ZNF362: variants seen among roughly 807,000 people sequenced by gnomAD.
The protein encoded by ZNF362 is rotund homolog.
A neutral mutation model predicts 42.9 loss-of-function variants in ZNF362; 11 were observed. The ratio of observed to expected loss-of-function variants is 0.26; its 90% CI spans 0.16 to 0.42. The LOEUF (loss-of-function observed/expected upper bound fraction) is 0.42. Ranked by LOEUF, ZNF362 falls within the 20% of genes least tolerant of loss-of-function variation. ZNF362 has a pLI of 1.00. For synonymous variants in ZNF362, 255 were observed against 257.3 expected (o/e 0.99, Z 0.09); for missense variants, 362 against 576.2 (o/e 0.63, Z 3.81).
At chr1:33,134,314 T>C in the ZNF362 span, among the ~76,000 whole-genome samples, 40,301 of 152,142 alleles carry the variant, frequency 0.26, 5,376 homozygotes, top group South Asian at 0.33. Context: ...GAGGCTATCG[T>C]GGTGAAGTGT....
the ZNF362 span, chr1:33,147,712 G>A: frequency 6.2e-7 from 1 of 1,611,414 alleles, no homozygotes; most frequent in Non-Finnish European, 8.5e-7. This position sits in a 1 kb window ranked among gnomAD's most constrained non-coding sequence, Gnocchi z 8.1. Context: ...CGGGTCCAGG[G>A]TTAGGGCGGC....
chr1:33,203,557 C>T, the ZNF362 span, among the ~76,000 whole-genome samples: 2 of 152,138 alleles, frequency 1.3e-5, no homozygotes, highest in Admixed American at 6.5e-5. Flanking sequence ...ATGCTGTTTT[C>T]CACAATGGCT....
At chr1:33,176,289 T>G in the ZNF362 span, 1 of 561,684 alleles carries the variant, frequency 1.8e-6, no homozygotes, top group Non-Finnish European at 3.3e-6. Context: ...TCAGATTGGG[T>G]AAGAGGGTGT....
chr1:33,241,374 A>G, the ZNF362 span, among the ~76,000 whole-genome samples: 5 of 152,018 alleles, frequency 3.3e-5, no homozygotes, highest in Non-Finnish European at 7.4e-5. Context: ...GGGTGCCTGT[A>G]ATCCTAGCTA....
chr1:33,191,957 A>G, the ZNF362 span, among the ~76,000 whole-genome samples: 4 of 152,238 alleles, frequency 2.6e-5, no homozygotes, highest in Non-Finnish European at 5.9e-5. Flanking sequence ...AGGCCTCTGC[A>G]TAGTTTCCAG....
At chr1:33,296,896 C>T (rs375682249) in intron 8 of ZNF362, among the ~76,000 whole-genome samples, 42 of 150,622 alleles carry the variant, frequency 2.8e-4, no homozygotes, top group African/African-American at 9.8e-4. Flanking sequence ...AATCAAAATC[C>T]TGGGCTCAAG....
intron 8 of ZNF362, among the ~76,000 whole-genome samples, chr1:33,296,456 CATCCTGG>C: frequency 6.6e-6 from 1 of 152,290 alleles, no homozygotes; most frequent in Admixed American, 6.5e-5. Context: ...CCTGGGTTCT[CATCCTGG>C]CTCTTTGTCC....
At chr1:33,257,052 T>C (rs913439697) in intron 1 of ZNF362, among the ~76,000 whole-genome samples, 1 of 152,194 alleles carries the variant, frequency 6.6e-6, no homozygotes, top group African/African-American at 2.4e-5. Flanking sequence ...TCGCGCACTT[T>C]GCAGCCGGCC....
intron 4 of ZNF362, among the ~76,000 whole-genome samples, chr1:33,279,882 T>C (rs749723461): frequency 1.5e-4 from 23 of 152,190 alleles, no homozygotes; most frequent in Non-Finnish European, 1.9e-4. Context: ...GTGAACTTCT[T>C]TGTGCCTCAG....
chr1:33,180,062 TCAA>T, the ZNF362 span, among the ~76,000 whole-genome samples: 119,587 of 151,360 alleles, frequency 0.79, 47,369 homozygotes, highest in African/African-American at 0.86. Flanking sequence ...TGAGCAAGGC[TCAA>T]TAAAAGTTGA....
rs144539553 is a variant in ZNF362 at position 33,293,281 on chromosome 1, T to C, written c.909-1656T>C. Among the ~76,000 whole-genome samples, 1,241 of 152,280 alleles carry C rather than the reference T, an allele frequency of 8.1e-3. 6 individuals carry two copies. The Middle Eastern group carries it at 0.082, about 10-fold the overall frequency. On this transcript the variant is annotated intron_variant, in intron 6 of 8. Coordinates refer to ENST00000539719, the MANE Select transcript of ZNF362 (RefSeq NM_152493.3). ...CATAGCAGAGGTGTGGGGAGACTTA[T>C]CAGACATGGCTGGCAGGGAAGAATC...
chr1:33,248,217 A>G, the ZNF362 span, among the ~76,000 whole-genome samples: 1 of 152,234 alleles, frequency 6.6e-6, no homozygotes, highest in African/African-American at 2.4e-5. Context: ...CCAGAGATGC[A>G]ACATGGCTTG....
chr1:33,276,205 G>A, intron 3 of ZNF362, 42 bp downstream of exon 3: 1 of 1,608,474 alleles, frequency 6.2e-7, no homozygotes, highest in Non-Finnish European at 8.5e-7. Flanking sequence ...ACCCTCCTTG[G>A]CGCTGCTTCG....
intron 8 of ZNF362, among the ~76,000 whole-genome samples, chr1:33,296,355 C>T (rs1037814459): frequency 6.6e-6 from 1 of 152,108 alleles, no homozygotes; most frequent in African/African-American, 2.4e-5. Context: ...TGCCGTCCTG[C>T]ATTCTGGAGT....
the ZNF362 span, among the ~76,000 whole-genome samples, chr1:33,141,552 C>T: frequency 1.3e-5 from 2 of 152,230 alleles, no homozygotes; most frequent in Non-Finnish European, 2.9e-5. Context: ...GGACCTGAAG[C>T]TTTGTGCCTC....
chr1:33,264,930 C>G (rs753799443), intron 1 of ZNF362, among the ~76,000 whole-genome samples: 3 of 151,882 alleles, frequency 2.0e-5, no homozygotes, highest in Non-Finnish European at 4.4e-5. Context: ...TTAAGCTGTC[C>G]GTTCATGTTC....
chr1:33,131,668 C>T, the ZNF362 span, among the ~76,000 whole-genome samples: 1 of 151,738 alleles, frequency 6.6e-6, no homozygotes, highest in Non-Finnish European at 1.5e-5. Flanking sequence ...TCACACATTT[C>T]TTTTTAAATT....
In ZNF362 at chr1:33,281,449, C is replaced by T; in HGVS notation, c.684-138C>T. The T allele has an allele frequency of 1.3e-6, 1 of 773,870 alleles. No homozygotes were observed. Among genetic ancestry groups the T allele is most frequent in the South Asian group, 1.7e-5 (1 of 58,106 alleles). The allele number at this position is 773,870 out of a possible 1,614,324, so 47.9% of individuals were successfully genotyped here. A position where few individuals can be genotyped will look rare whatever the true frequency, so the allele number is the denominator to read the frequency against. On this transcript the variant is annotated intron_variant, in intron 5 of 8. Transcript: ENST00000539719. This position sits in a 1 kb window ranked among gnomAD's most constrained non-coding sequence, Gnocchi z 4.8. ...GGCTGGGAGACTGTCCCCTGTCTTT[C>T]CCAGGTGGTCCTGTGCTTCTTGGGC...
rs373653791 is a variant in ZNF362, at chr1:33,300,717, C to T, written c.*1671C>T. On this transcript the variant is annotated 3_prime_UTR_variant, in exon 9 of 9. Transcript: ENST00000539719. ...GTGAAGAATAAACTGTACCTGCACC[C>T]GGGTGGCGGTGGTGTTTGGCGTGCT... 4.6e-5 allele frequency: 7 copies of T among 152,230 alleles called. No homozygotes were observed. Among genetic ancestry groups the T allele is most frequent in the African/African-American group, 1.7e-4 (7 of 41,510 alleles). The allele number at this position is 152,230 out of a possible 1,614,324, so 9.4% of individuals were successfully genotyped here.
Sources: allele counts gnomAD v4.1 joint callset (sites outside exome capture counted in the v4.1 genomes callset), GRCh38; gene constraint gnomAD v4.1.1; non-coding constraint Gnocchi (gnomAD v3.1); transcripts MANE v1.5; gene names NCBI Gene and HGNC (gene_info 2026-07-23, HGNC 2026-07-21).